The following CLCN4 variants were observed in gnomAD, a reference collection of about 807,000 sequenced individuals.
The protein encoded by CLCN4 is H(+)/Cl(-) exchange transporter 4.
A neutral mutation model predicts 41.7 loss-of-function variants in CLCN4; 1 was observed. The observed-to-expected ratio is 0.02, with a 90% CI of 0.01 to 0.11. The LOEUF (loss-of-function observed/expected upper bound fraction) is 0.11, where lower values mean the gene tolerates loss of function less well. Among genes scored for constraint, CLCN4 ranks in the 10% least tolerant of loss-of-function variants. The pLI is 1.00. For missense variants in CLCN4, 287 were observed against 661.0 expected (o/e 0.43, Z 6.20); for synonymous variants, 277 against 285.8 (o/e 0.97, Z 0.31).
Position 10,190,844 on chromosome X carries a change from CTAAT to C in CLCN4, c.244+3233_244+3236del, listed in dbSNP as rs1234978435. ...TAATGATATCTCTAACTTAATTAGA[CTAAT>C]TATATATATTTGTATATTTGGAATC... On this transcript the variant is annotated intron_variant, in intron 4 of 12. Transcript: ENST00000380833. Among the ~76,000 whole-genome samples, 3 of 111,779 alleles carry C rather than the reference CTAAT, an allele frequency of 2.7e-5. No individual in the cohort carries two copies. The East Asian group carries it at 8.3e-4, about 31-fold the overall frequency.
intron 2 of CLCN4, among the ~76,000 whole-genome samples, chrX:10,178,962 A>T (rs986018926): frequency 1.4e-4 from 16 of 112,384 alleles, no homozygotes; most frequent in African/African-American, 5.2e-4. Flanking sequence ...CCACTTCTAG[A>T]TGTTAAGGGC....
chrX:10,202,870 AT>A (rs1287537787), intron 6 of CLCN4, among the ~76,000 whole-genome samples: 1 of 110,973 alleles, frequency 9.0e-6, no homozygotes, highest in African/African-American at 3.3e-5. Flanking sequence ...ACAAATATTT[AT>A]TTATCGGAAA....
intron 2 of CLCN4, among the ~76,000 whole-genome samples, chrX:10,175,894 C>T (rs867219575): frequency 1.2e-3 from 123 of 104,499 alleles, no homozygotes; most frequent in African/African-American, 4.2e-3. Context: ...CTCTCTTTCT[C>T]TCTCTCTCTC....
intron 12 of CLCN4, among the ~76,000 whole-genome samples, chrX:10,229,540 C>A (rs184303856): frequency 1.8e-5 from 2 of 108,794 alleles, no homozygotes; most frequent in Non-Finnish European, 3.8e-5. Flanking sequence ...GCTATCCCTC[C>A]CCCGTCCCCC....
chrX:10,176,524 G>A (rs1398590072), intron 2 of CLCN4, among the ~76,000 whole-genome samples: 3 of 112,055 alleles, frequency 2.7e-5, no homozygotes, highest in Admixed American at 1.9e-4. Flanking sequence ...AAGTTACTAC[G>A]AGGAAACAGG....
At chrX:10,215,964 T>A (rs975006189) in intron 11 of CLCN4, among the ~76,000 whole-genome samples, 23 of 111,979 alleles carry the variant, frequency 2.1e-4, no homozygotes, top group African/African-American at 7.2e-4. Flanking sequence ...CTCTGAGGAA[T>A]CAGAAAAGCT....
At chrX:10,212,848 C>CACACACACACACACACACAA (rs1468550759) in intron 10 of CLCN4, among the ~76,000 whole-genome samples, 195 bp downstream of exon 10, 2 of 110,989 alleles carry the variant, frequency 1.8e-5, no homozygotes, top group African/African-American at 6.6e-5. Flanking sequence ...CAGACACACA[C>CACACACACACACACACACAA]ACACACACAC....
chrX:10,224,728 A>G (rs1316226918), intron 12 of CLCN4, among the ~76,000 whole-genome samples: 1 of 111,360 alleles, frequency 9.0e-6, no homozygotes, highest in Non-Finnish European at 1.9e-5. Context: ...TTAGCTATTT[A>G]TCCTGATGCT....
chrX:10,220,584 G>T, intron 11 of CLCN4, 77 bp from the exon 12 acceptor site: 1 of 748,364 alleles, frequency 1.3e-6, no homozygotes, highest in Non-Finnish European at 2.1e-6. Flanking sequence ...TCTAGATGGT[G>T]TGTGTGAGTG....
chrX:10,203,217 CAA>C (rs1211726914), intron 6 of CLCN4, among the ~76,000 whole-genome samples: 1 of 111,747 alleles, frequency 8.9e-6, no homozygotes, highest in African/African-American at 3.3e-5. Flanking sequence ...AACTAACTGA[CAA>C]AAAATTATAG....
chrX:10,218,304 C>T (rs1924779477), intron 11 of CLCN4, among the ~76,000 whole-genome samples: 1 of 111,902 alleles, frequency 8.9e-6, no homozygotes, highest in African/African-American at 3.3e-5. Flanking sequence ...TAGTGCATTT[C>T]CTTTTTGTCT....
intron 12 of CLCN4, among the ~76,000 whole-genome samples, chrX:10,232,520 A>G (rs1443128894): frequency 2.7e-5 from 3 of 112,143 alleles, no homozygotes; most frequent in Non-Finnish European, 3.8e-5. Flanking sequence ...TGGGGGGTAC[A>G]GTGGAGATAC....
At chrX:10,220,556 A>T (rs1434255537) in intron 11 of CLCN4, 105 bp from the exon 12 acceptor site, 13 of 621,062 alleles carry the variant, frequency 2.1e-5, no homozygotes, top group Non-Finnish European at 3.2e-5. Flanking sequence ...CATCCTCCAA[A>T]CCCCTTTTCT....
chrX:10,199,369 G>A lies in CLCN4; in HGVS notation c.555+1308G>A, dbSNP rs1001352474. On this transcript the variant is annotated intron_variant, in intron 6 of 12. Coordinates refer to ENST00000380833, the MANE Select transcript of CLCN4 (RefSeq NM_001830.4). ...ACAGCTGTACACATTAAGTGGCTAAGAAATATGTAAATACCACAATAAATA... is the reference window on the plus strand; with the variant it reads ...ACAGCTGTACACATTAAGTGGCTAAAAAATATGTAAATACCACAATAAATA... Among the ~76,000 whole-genome samples the A allele has an allele frequency of 1.7e-4, 19 of 112,587 alleles. 1 individual carries two copies. The highest frequency in any genetic ancestry group is 3.8e-5 in the Non-Finnish European group (2 of 53,316).
intron 8 of CLCN4, among the ~76,000 whole-genome samples, chrX:10,207,512 T>C (rs5979280): frequency 0.066 from 7,410 of 112,398 alleles, 547 homozygotes; most frequent in African/African-American, 0.21. Context: ...TGCATTTCCA[T>C]AGATGTTTCC....
chrX:10,203,224 T>C (rs1250145531), intron 6 of CLCN4, among the ~76,000 whole-genome samples: 1 of 111,633 alleles, frequency 9.0e-6, no homozygotes, highest in Non-Finnish European at 1.9e-5. Context: ...TGACAAAAAA[T>C]TATAGATAAT....
chrX:10,203,687 A>G (rs1192958917), intron 6 of CLCN4, among the ~76,000 whole-genome samples: 1 of 111,762 alleles, frequency 8.9e-6, no homozygotes, highest in African/African-American at 3.3e-5. Context: ...CGAGTCACCT[A>G]CAGAGGCTGT....
chrX:10,211,159 G>A (rs771676997), intron 9 of CLCN4, among the ~76,000 whole-genome samples: 2 of 104,866 alleles, frequency 1.9e-5, no homozygotes, highest in South Asian at 8.8e-4. Flanking sequence ...CCAGCTACTC[G>A]GGAGGCTGAG....
At position 10,233,644 on chromosome X, in the gene CLCN4, T is replaced by A; in HGVS notation, c.*60T>A. 1.1e-6 allele frequency: 1 copy of A among 909,811 alleles called. No individual in the cohort carries two copies. The highest frequency in any genetic ancestry group is 3.1e-5 in the East Asian group (1 of 32,314). 75.0% of individuals were successfully genotyped at this position (909,811 alleles called of 1,213,427 possible). On this transcript the variant is annotated 3_prime_UTR_variant, in exon 13 of 13. Transcript: ENST00000380833. ...ACTGTGTCATTTAAAAAGAAATAAA[T>A]GATATGTTATTATCCCAATGAAAGA...
Sources: gnomAD v4.1 joint callset for allele counts (sites outside exome capture counted in the v4.1 genomes callset) on GRCh38, gnomAD v4.1.1 for gene constraint, MANE v1.5 for transcripts, NCBI Gene and HGNC (gene_info 2026-07-23, HGNC 2026-07-21) for gene names.